Variants in XKR9 observed in about 807,000 individuals in gnomAD.
The protein encoded by XKR9 is XK-related protein 9.
In XKR9, 32 loss-of-function variants were observed where a neutral mutation model predicts 32.0. The ratio of observed to expected loss-of-function variants is 1.00; its 90% confidence interval spans 0.76 to 1.34. XKR9 has a LOEUF of 1.34. XKR9 is among the 40% of genes most tolerant of loss of function. XKR9 has a pLI of 0.00. For synonymous variants in XKR9, 168 were observed against 143.4 expected, an observed-to-expected ratio of 1.17 and a Z score of -1.22; for missense variants, 546 against 429.7, an observed-to-expected ratio of 1.27 and a Z score of -2.39.
chr8:70,728,051 G>T (rs1457216211), intron 4 of XKR9, among the ~76,000 whole-genome samples: 5 of 152,076 alleles, frequency 3.3e-5, no homozygotes, highest in Non-Finnish European at 2.9e-5. Flanking sequence ...GCAAGAAAGA[G>T]GCTTGTTTTG....
At chr8:71,032,273 G>C in the XKR9 span, among the ~76,000 whole-genome samples, 1 of 100,510 alleles carries the variant, frequency 9.9e-6, no homozygotes, top group African/African-American at 4.1e-5. Flanking sequence ...GACAGAGTGA[G>C]ACTCTGTCAA....
At chr8:70,836,335 G>GGGAAAGGA in the XKR9 span, among the ~76,000 whole-genome samples, 1 of 151,922 alleles carries the variant, frequency 6.6e-6, no homozygotes, top group Admixed American at 6.6e-5. Context: ...CACCCTAAAG[G>GGGAAAGGA]GTTCCCCCAT....
intron 2 of XKR9, among the ~76,000 whole-genome samples, chr8:70,786,717 C>T (rs1426610482): frequency 6.6e-6 from 1 of 152,044 alleles, no homozygotes; most frequent in Non-Finnish European, 1.5e-5. Context: ...TCAGTCCATT[C>T]AGTGACTTTG....
chr8:70,913,673 A>T, the XKR9 span, among the ~76,000 whole-genome samples: 2 of 152,196 alleles, frequency 1.3e-5, no homozygotes, highest in African/African-American at 4.8e-5. Context: ...ATGAATTGTC[A>T]CAAAGTGAGC....
chr8:70,782,328 G>A (rs548696018), intron 2 of XKR9, among the ~76,000 whole-genome samples: 19 of 152,016 alleles, frequency 1.2e-4, no homozygotes, highest in East Asian at 7.7e-4. Flanking sequence ...GTGATATTAC[G>A]TTTTATGAAT....
At chr8:70,880,693 T>C in the XKR9 span, among the ~76,000 whole-genome samples, 1 of 152,194 alleles carries the variant, frequency 6.6e-6, no homozygotes, top group African/African-American at 2.4e-5. Context: ...ATGGCCGTAC[T>C]GCCCAAAGTA....
intron 3 of XKR9, among the ~76,000 whole-genome samples, chr8:70,697,797 G>C (rs1586826479): frequency 1.3e-5 from 2 of 151,886 alleles, no homozygotes; most frequent in South Asian, 4.2e-4. Context: ...GAATTCGGCT[G>C]TGAATCCATC....
the XKR9 span, among the ~76,000 whole-genome samples, chr8:70,983,355 A>T: frequency 6.6e-6 from 1 of 152,088 alleles, no homozygotes; most frequent in Non-Finnish European, 1.5e-5. Context: ...AACTTCCTGT[A>T]TCACCACTTG....
Position 70,681,195 on chromosome 8 carries a change from G to A in XKR9, c.137G>A (p.Ser46Asn). Residue 46 changes from serine to asparagine, a missense_variant, in exon 3 of 5, where the codon AGC (serine) becomes AAC (asparagine). Transcript: ENST00000408926. ...GQYVFSALAL[S>N]FMLFGTLVAQ... ...TATGTTTTTAGTGCTTTAGCGTTAAGCTTTATGCTTTTTGGAACACTTGTG... is the reference window on the plus strand; with the variant it reads ...TATGTTTTTAGTGCTTTAGCGTTAAACTTTATGCTTTTTGGAACACTTGTG... 6.2e-7 allele frequency: 1 copy of A among 1,613,518 alleles called. No homozygotes were observed. The highest frequency in any genetic ancestry group is 8.5e-7 in the Non-Finnish European group (1 of 1,179,612).
chr8:70,671,262 A>G lies in XKR9; in HGVS notation c.-361+1724A>G, dbSNP rs1252967452. ...GAGAATATGTGATATTTGTCTTTCTATGCATGGATTATTTCACTTATCATA... is the reference window on the plus strand; with the variant it reads ...GAGAATATGTGATATTTGTCTTTCTGTGCATGGATTATTTCACTTATCATA... On this transcript the variant is annotated intron_variant, in intron 1 of 4. Transcript: ENST00000408926. Among the ~76,000 whole-genome samples the G allele has an allele frequency of 2.0e-5, 3 of 152,202 alleles. No homozygotes were observed. The East Asian group carries it at 5.8e-4, about 29-fold the overall frequency.
At chr8:71,052,889 C>G in the XKR9 span, among the ~76,000 whole-genome samples, 1 of 152,192 alleles carries the variant, frequency 6.6e-6, no homozygotes, top group Non-Finnish European at 1.5e-5. Flanking sequence ...TGGAGAGCAC[C>G]TGTCTGCCAT....
chr8:70,987,453 A>G, the XKR9 span, among the ~76,000 whole-genome samples: 3 of 152,372 alleles, frequency 2.0e-5, no homozygotes, highest in East Asian at 3.9e-4. Context: ...CATGAAGTCC[A>G]AAATCCAGCA....
chr8:70,921,041 A>G, the XKR9 span, among the ~76,000 whole-genome samples: 1 of 152,222 alleles, frequency 6.6e-6, no homozygotes, highest in African/African-American at 2.4e-5. Flanking sequence ...CCAGTTCCTC[A>G]TTCCATATAC....
chr8:70,988,661 TA>T, the XKR9 span, among the ~76,000 whole-genome samples: 1 of 152,168 alleles, frequency 6.6e-6, no homozygotes, highest in Non-Finnish European at 1.5e-5. Flanking sequence ...CCCCACAACT[TA>T]AAAAAATTAT....
the XKR9 span, among the ~76,000 whole-genome samples, chr8:70,849,475 G>A: frequency 2.0e-5 from 3 of 152,322 alleles, no homozygotes; most frequent in African/African-American, 7.2e-5. Context: ...AGTGTTTAGA[G>A]TGAAATTTAT....
chr8:70,802,366 A>C, the XKR9 span, among the ~76,000 whole-genome samples: 1 of 152,116 alleles, frequency 6.6e-6, no homozygotes, highest in Non-Finnish European at 1.5e-5. Context: ...TGAGCCTATA[A>C]GTGTCACTGC....
chr8:70,782,233 G>T (rs1366313544), intron 2 of XKR9, among the ~76,000 whole-genome samples: 1 of 152,114 alleles, frequency 6.6e-6, no homozygotes, highest in African/African-American at 2.4e-5. Context: ...CTTTCCCTCT[G>T]CAGTATGCTT....
At chr8:70,961,483 C>T in the XKR9 span, among the ~76,000 whole-genome samples, 2 of 152,156 alleles carry the variant, frequency 1.3e-5, no homozygotes, top group African/African-American at 2.4e-5. Context: ...GGACAAGTTG[C>T]ACTCTATGAC....
At chr8:70,920,289 C>T in the XKR9 span, among the ~76,000 whole-genome samples, 3 of 152,102 alleles carry the variant, frequency 2.0e-5, no homozygotes, top group African/African-American at 7.2e-5. Flanking sequence ...GAAAGCCAGA[C>T]ATTACATTAA....
Sources: gnomAD v4.1 joint callset for allele counts (sites outside exome capture counted in the v4.1 genomes callset) on GRCh38, gnomAD v4.1.1 for gene constraint, MANE v1.5 for transcripts, NCBI Gene and HGNC (gene_info 2026-07-23, HGNC 2026-07-21) for gene names.